GABRG3: variants seen among roughly 807,000 people sequenced by gnomAD.
The protein encoded by GABRG3 is gamma-aminobutyric acid receptor subunit gamma-3.
A neutral mutation model predicts 48.8 loss-of-function variants in GABRG3; 25 were observed. The observed-to-expected ratio is 0.51, with a 90% CI of 0.37 to 0.72. The LOEUF is 0.72. Ranked by LOEUF, GABRG3 falls within the 30% of genes least tolerant of loss-of-function variation. The pLI, the probability that GABRG3 is intolerant of heterozygous loss-of-function variation, is 0.00. For synonymous variants in GABRG3, 227 were observed against 217.6 expected, an observed-to-expected ratio of 1.04 and a Z score of -0.38; for missense variants, 394 against 577.9, an observed-to-expected ratio of 0.68 and a Z score of 3.26.
intron 5 of GABRG3, chr15:27,418,828 A>G (rs1028207976): frequency 4.6e-5 from 7 of 151,204 alleles, no homozygotes; most frequent in Non-Finnish European, 7.4e-5. Flanking sequence ...TGCACTATCA[A>G]TTTATGCCTT....
intron 2 of GABRG3, among the ~76,000 whole-genome samples, chr15:26,980,708 AC>A (rs1396759002): frequency 1.7e-3 from 260 of 148,914 alleles, no homozygotes; most frequent in African/African-American, 5.8e-3. Context: ...AAAAAAAAGA[AC>A]TTAGATTCTT....
intron 6 of GABRG3, chr15:27,481,006 T>C: frequency 7.3e-7 from 1 of 1,371,668 alleles, no homozygotes; most frequent in Non-Finnish European, 9.4e-7. Flanking sequence ...CAGGCTGTGT[T>C]TGCATAATGT....
rs1374424273 is a variant in GABRG3, at chr15:27,465,121, T to G, written c.575-15529T>G. Among the ~76,000 whole-genome samples the G allele has an allele frequency of 3.3e-5, 5 of 152,192 alleles. No homozygotes were observed. In the East Asian group the frequency reaches 9.6e-4, roughly 29 times the overall value. On this transcript the variant is annotated intron_variant, in intron 5 of 9. Coordinates refer to ENST00000615808, the MANE Select transcript of GABRG3 (RefSeq NM_033223.5). ...CCCAGCCTGCACGGATCAAGGGTGA[T>G]GAAGCTGCTGCCTCTCTCAGCTGCT...
At chr15:27,408,873 T>A (rs1458375761) in intron 5 of GABRG3, among the ~76,000 whole-genome samples, 1 of 152,210 alleles carries the variant, frequency 6.6e-6, no homozygotes, top group East Asian at 1.9e-4. Flanking sequence ...GGTGCAGTGA[T>A]TTTTTGCCCC....
chr15:27,281,331 G>GT lies in GABRG3; in HGVS notation c.271-45471dup, dbSNP rs918596034. ...CCTTCCCTCTGCTATTTTATCACTTGTTTTTTTCTTTTTCCCACCTTTGCC... is the reference window on the plus strand; with the variant it reads ...CCTTCCCTCTGCTATTTTATCACTTGTTTTTTTTCTTTTTCCCACCTTTGCC... On this transcript the variant is annotated intron_variant, in intron 3 of 9. Coordinates refer to ENST00000615808, the MANE Select transcript of GABRG3 (RefSeq NM_033223.5). Among the ~76,000 whole-genome samples the GT allele has an allele frequency of 1.5e-3, 221 of 151,702 alleles. 1 individual carries two copies. The highest frequency in any genetic ancestry group is 3.8e-4 in the Non-Finnish European group (26 of 67,878).
chr15:27,085,739 T>C (rs1381426624), intron 3 of GABRG3, among the ~76,000 whole-genome samples: 1 of 152,146 alleles, frequency 6.6e-6, no homozygotes, highest in Admixed American at 6.6e-5. Context: ...TGGAGGGAGG[T>C]AGCAAGCTTC....
intron 5 of GABRG3, among the ~76,000 whole-genome samples, chr15:27,351,109 G>GGT (rs1216373363): frequency 6.7e-6 from 1 of 148,554 alleles, no homozygotes; most frequent in African/African-American, 2.5e-5. Flanking sequence ...GTGTGTGTAT[G>GGT]GTGTGTGTGT....
At chr15:27,362,393 G>A (rs1353510745) in intron 5 of GABRG3, 1 of 152,204 alleles carries the variant, frequency 6.6e-6, no homozygotes, top group East Asian at 1.9e-4. Flanking sequence ...ATTTGTCTGG[G>A]AGGTTCAGTT....
intron 3 of GABRG3, among the ~76,000 whole-genome samples, chr15:27,300,678 C>CAAAAAAAAAAAAAAAAAA (rs10600874): frequency 9.9e-6 from 1 of 101,284 alleles, no homozygotes; most frequent in African/African-American, 3.6e-5. Flanking sequence ...AATAAATAAG[C>CAAAAAAAAAAAAAAAAAA]AAAAAAAAAA....
chr15:27,376,726 C>G (rs550098211), intron 5 of GABRG3, among the ~76,000 whole-genome samples: 1 of 152,250 alleles, frequency 6.6e-6, no homozygotes, highest in South Asian at 2.1e-4. Context: ...TGAGCACAGC[C>G]CATGAAAACA....
intron 3 of GABRG3, among the ~76,000 whole-genome samples, chr15:27,220,765 C>G (rs965927819): frequency 2.1e-4 from 32 of 152,128 alleles, no homozygotes; most frequent in African/African-American, 7.0e-4. Flanking sequence ...CACTGGGTGC[C>G]TGGAATTTCC....
At chr15:27,484,398 A>T (rs908097492) in intron 6 of GABRG3, among the ~76,000 whole-genome samples, 1 of 152,238 alleles carries the variant, frequency 6.6e-6, no homozygotes, top group Non-Finnish European at 1.5e-5. Flanking sequence ...CCTTGGAATT[A>T]TCGGAAACAG....
At chr15:27,520,282 G>C (rs1891128088) in intron 7 of GABRG3, among the ~76,000 whole-genome samples, 158 bp downstream of exon 7, 1 of 152,174 alleles carries the variant, frequency 6.6e-6, no homozygotes, top group Admixed American at 6.5e-5. Context: ...AGCCAAGCAA[G>C]GCTGTTCTTT....
chr15:27,388,415 G>GAAGAAAGGAA, intron 5 of GABRG3, among the ~76,000 whole-genome samples: 1 of 151,804 alleles, frequency 6.6e-6, no homozygotes, highest in African/African-American at 2.4e-5. Context: ...AGGAAGGAAG[G>GAAGAAAGGAA]GGATAAGATG....
chr15:27,111,985 C>T (rs1897558497), intron 3 of GABRG3, among the ~76,000 whole-genome samples: 2 of 152,110 alleles, frequency 1.3e-5, no homozygotes, highest in African/African-American at 4.8e-5. Context: ...CTGCCAGGAC[C>T]AGGAGGGGAT....
At chr15:27,055,584 G>A (rs900498590) in intron 3 of GABRG3, among the ~76,000 whole-genome samples, 9 of 152,158 alleles carry the variant, frequency 5.9e-5, no homozygotes, top group East Asian at 1.9e-4. Context: ...TGTTTTCAGC[G>A]TTCCCATAGG....
At chr15:27,388,666 T>G (rs56095128) in intron 5 of GABRG3, among the ~76,000 whole-genome samples, 25,505 of 151,966 alleles carry the variant, frequency 0.17, 2,249 homozygotes, top group Middle Eastern at 0.24. Flanking sequence ...CACAATGCAT[T>G]AAAACAGGTC....
At chr15:27,473,490 C>T (rs1027401525) in intron 5 of GABRG3, among the ~76,000 whole-genome samples, 7 of 152,140 alleles carry the variant, frequency 4.6e-5, no homozygotes, top group African/African-American at 1.7e-4. Context: ...ATTTGACCAG[C>T]CACTGAAATT....
chr15:27,374,693 G>A (rs540805887), intron 5 of GABRG3, among the ~76,000 whole-genome samples: 58 of 152,294 alleles, frequency 3.8e-4, no homozygotes, highest in African/African-American at 1.3e-3. Context: ...CCACGCCAAG[G>A]TGTGTGTGGA....
Sources: gnomAD v4.1 joint callset for allele counts (sites outside exome capture counted in the v4.1 genomes callset) on GRCh38, gnomAD v4.1.1 for gene constraint, MANE v1.5 for transcripts, NCBI Gene and HGNC (gene_info 2026-07-23, HGNC 2026-07-21) for gene names.